The following CTNNA3 variants were observed in gnomAD, a reference collection of about 807,000 sequenced individuals.
CTNNA3 encodes the protein catenin alpha 3.
Under a neutral mutation model 95.7 loss-of-function variants are expected in CTNNA3, and 76 were observed. The ratio of observed to expected loss-of-function variants is 0.79; its 90% CI spans 0.66 to 0.96. CTNNA3 has a LOEUF of 0.96. Among genes scored for constraint, CTNNA3 ranks in the 40% least tolerant of loss-of-function variants. The pLI is 0.00. For synonymous variants in CTNNA3, 431 were observed against 374.4 expected (o/e 1.15, Z -1.74); for missense variants, 1,191 against 1,089.8 (o/e 1.09, Z -1.31).
intron 7 of CTNNA3, among the ~76,000 whole-genome samples, chr10:67,089,717 ATGTGTGTGTGTGTG>A (rs71006125): frequency 1.4e-5 from 2 of 144,648 alleles, no homozygotes; most frequent in African/African-American, 5.1e-5. Context: ...GTATATACAT[ATGTGTGTGTGTGTG>A]TGTGTGTGTG....
chr10:66,307,176 T>G (rs889876540), intron 12 of CTNNA3, among the ~76,000 whole-genome samples: 2 of 152,222 alleles, frequency 1.3e-5, no homozygotes, highest in African/African-American at 4.8e-5. Context: ...GTTAAACATG[T>G]GACCTTCTTC....
intron 12 of CTNNA3, among the ~76,000 whole-genome samples, chr10:66,378,814 C>A (rs16922917): frequency 0.076 from 11,618 of 152,170 alleles, 567 homozygotes; most frequent in East Asian, 0.22. Context: ...ATACAGTTAA[C>A]AGAGGGTTTG....
intron 14 of CTNNA3, among the ~76,000 whole-genome samples, chr10:66,078,231 C>G (rs962934981): frequency 6.6e-6 from 1 of 151,876 alleles, no homozygotes; most frequent in Non-Finnish European, 1.5e-5. Context: ...AATCTATTTT[C>G]CACAAGATGA....
intron 3 of CTNNA3, among the ~76,000 whole-genome samples, chr10:67,569,066 TG>T (rs1841903127): frequency 6.6e-6 from 1 of 152,184 alleles, no homozygotes; most frequent in Non-Finnish European, 1.5e-5. Flanking sequence ...CATTGTGTCC[TG>T]TAGCTGGCAG....
rs535021153 is a variant in CTNNA3, at chr10:66,278,177, T to C, written c.1884+2293A>G. 1.8e-3 allele frequency among the ~76,000 whole-genome samples: 248 copies of C among 134,480 alleles called. 1 individual carries two copies. Among genetic ancestry groups the C allele is most frequent in the Non-Finnish European group, 3.0e-3 (188 of 62,884 alleles). 88.2% of individuals were successfully genotyped at this position (134,480 alleles called of 152,430 possible). A position where few individuals can be genotyped will look rare whatever the true frequency, so the allele number is the denominator to read the frequency against. ...CAAATCAAAATAAAGGATGCATACA[T>C]AGGCATACAAGATAAAAAAAAGGAA... On this transcript the variant is annotated intron_variant, in intron 13 of 17. Coordinates refer to ENST00000433211, the MANE Select transcript of CTNNA3 (RefSeq NM_013266.4).
intron 7 of CTNNA3, among the ~76,000 whole-genome samples, chr10:67,060,693 A>G (rs1855708359): frequency 6.6e-6 from 1 of 151,962 alleles, no homozygotes; most frequent in Non-Finnish European, 1.5e-5. Flanking sequence ...TTCTTCTACC[A>G]TGGCCAGTGA....
intron 7 of CTNNA3, among the ~76,000 whole-genome samples, chr10:66,960,141 C>G (rs934005224): frequency 6.6e-6 from 1 of 152,064 alleles, no homozygotes; most frequent in Non-Finnish European, 1.5e-5. Context: ...AAGCTCTCTG[C>G]CTTCTCTCTC....
rs149403155 is a variant in CTNNA3, at chr10:67,252,504, T to A, written c.580-32634A>T. 6.1e-3 allele frequency among the ~76,000 whole-genome samples: 928 copies of A among 152,288 alleles called. 12 individuals are homozygous for A. The highest frequency in any genetic ancestry group is 0.021 in the African/African-American group (883 of 41,558). ...AACTAATAACAAAATAGAACAAGTA[T>A]AACAATGCACTGTAATAAAACTTAT... On this transcript the variant is annotated intron_variant, in intron 5 of 17. Transcript: ENST00000433211.
chr10:67,601,744 G>A (rs1296770296), intron 3 of CTNNA3, among the ~76,000 whole-genome samples: 1 of 152,118 alleles, frequency 6.6e-6, no homozygotes, highest in Non-Finnish European at 1.5e-5. Context: ...CATTGTATTG[G>A]TAGTGTAGGA....
At chr10:67,058,353 C>T (rs118025724) in intron 7 of CTNNA3, among the ~76,000 whole-genome samples, 86 of 152,284 alleles carry the variant, frequency 5.6e-4, no homozygotes, top group Middle Eastern at 3.4e-3. Flanking sequence ...TTATGTATTA[C>T]ATTGGTTTCA....
intron 7 of CTNNA3, among the ~76,000 whole-genome samples, chr10:66,937,822 C>T (rs1248782838): frequency 6.6e-6 from 1 of 152,134 alleles, no homozygotes; most frequent in South Asian, 2.1e-4. Context: ...AATTTCTGAG[C>T]TTTTCCAGAA....
intron 16 of CTNNA3, among the ~76,000 whole-genome samples, chr10:65,981,898 A>T (rs2078327328): frequency 6.6e-6 from 1 of 152,002 alleles, no homozygotes; most frequent in Admixed American, 6.6e-5. Flanking sequence ...AAAATTCTAG[A>T]AGATAATATC....
chr10:67,283,823 C>T (rs923698857), intron 5 of CTNNA3, among the ~76,000 whole-genome samples: 2 of 152,150 alleles, frequency 1.3e-5, no homozygotes, highest in African/African-American at 4.8e-5. Flanking sequence ...AAGGTTGCTG[C>T]GGACCTGTTT....
chr10:66,670,106 G>C (rs1310044466), intron 9 of CTNNA3, among the ~76,000 whole-genome samples: 1 of 151,984 alleles, frequency 6.6e-6, no homozygotes, highest in Non-Finnish European at 1.5e-5. Flanking sequence ...AATTATTTCT[G>C]ACAGTTATGG....
At chr10:67,438,346 G>A (rs1041469120) in intron 5 of CTNNA3, among the ~76,000 whole-genome samples, 6 of 152,150 alleles carry the variant, frequency 3.9e-5, no homozygotes, top group African/African-American at 1.4e-4. Context: ...GACAGTATCT[G>A]ACACACAGCA....
At chr10:66,926,950 T>A in intron 7 of CTNNA3, 4 of 1,605,214 alleles carry the variant, frequency 2.5e-6, no homozygotes, top group Non-Finnish European at 2.6e-6. Flanking sequence ...ACTGAGCGGA[T>A]CAGCTGTAGC....
chr10:66,154,836 T>C (rs2084406013), intron 13 of CTNNA3, among the ~76,000 whole-genome samples: 1 of 150,224 alleles, frequency 6.7e-6, no homozygotes, highest in African/African-American at 2.4e-5. Context: ...GATGACCTGT[T>C]TAAGCCCCTA....
intron 13 of CTNNA3, among the ~76,000 whole-genome samples, chr10:66,212,049 G>A (rs1275377916): frequency 7.4e-6 from 1 of 135,848 alleles, no homozygotes; most frequent in East Asian, 2.2e-4. Context: ...GAATGCAGTG[G>A]CGCGATCTCA....
intron 7 of CTNNA3, among the ~76,000 whole-genome samples, chr10:67,119,997 T>C (rs555485679): frequency 6.6e-6 from 1 of 152,026 alleles, no homozygotes; most frequent in Non-Finnish European, 1.5e-5. Context: ...TTTCCATATC[T>C]TAGCTCTAGA....
Sources: allele counts gnomAD v4.1 joint callset (sites outside exome capture counted in the v4.1 genomes callset), GRCh38; gene constraint gnomAD v4.1.1; transcripts MANE v1.5; gene names NCBI Gene and HGNC (gene_info 2026-07-23, HGNC 2026-07-21).